The following CACNA2D3 variants were observed in gnomAD, a reference collection of about 807,000 sequenced individuals.
The protein encoded by CACNA2D3 is voltage-dependent calcium channel subunit alpha-2/delta-3.
CACNA2D3 carries 60 observed loss-of-function variants against 160.6 expected under a neutral mutation model. That is an observed-to-expected ratio of 0.37 (90% CI 0.30 to 0.46). The LOEUF (loss-of-function observed/expected upper bound fraction) is 0.46, where lower values mean the gene tolerates loss of function less well. Among genes scored for constraint, CACNA2D3 ranks in the 20% least tolerant of loss-of-function variants. The pLI is 1.00. For synonymous variants in CACNA2D3, 558 were observed against 492.9 expected (o/e 1.13, Z -1.75); for missense variants, 1,205 against 1,365.0 (o/e 0.88, Z 1.85).
chr3:54,601,538 C>T (rs77654593), intron 9 of CACNA2D3, among the ~76,000 whole-genome samples: 3,928 of 152,100 alleles, frequency 0.026, 105 homozygotes, highest in South Asian at 0.088. Flanking sequence ...TTCCTGGGCC[C>T]ACCCAAAGCC....
Position 54,320,682 on chromosome 3 carries a change from T to C in CACNA2D3, c.321+124T>C, listed in dbSNP as rs1159969155. ...TCACGCATCTATTACGTAAATACTT[T>C]TATTTTTACAGTCTGGTTAGCCAGG... On this transcript the variant is annotated intron_variant, in intron 3 of 37. Transcript: ENST00000474759. The C allele has an allele frequency of 1.1e-5, 6 of 534,352 alleles. No homozygotes were observed. In the Admixed American group the frequency reaches 1.9e-4, roughly 17 times the overall value. 33.1% of individuals were successfully genotyped at this position (534,352 alleles called of 1,614,324 possible).
intron 27 of CACNA2D3, among the ~76,000 whole-genome samples, chr3:54,928,735 G>A (rs1039695724): frequency 2.2e-5 from 3 of 137,264 alleles, no homozygotes; most frequent in Non-Finnish European, 4.7e-5. Flanking sequence ...GAGTTGAATT[G>A]ACCTTTTGGT....
intron 11 of CACNA2D3, among the ~76,000 whole-genome samples, chr3:54,688,823 A>G (rs892049717): frequency 2.0e-5 from 3 of 151,680 alleles, no homozygotes; most frequent in Non-Finnish European, 4.4e-5. Flanking sequence ...CAACATGGTG[A>G]AACCGCGTCT....
intron 12 of CACNA2D3, among the ~76,000 whole-genome samples, chr3:54,757,165 G>T (rs1701987819): frequency 1.3e-5 from 2 of 152,114 alleles, no homozygotes; most frequent in Non-Finnish European, 2.9e-5. Flanking sequence ...ATAAGCACTG[G>T]CTGATTCTCC....
At chr3:54,212,709 G>C (rs1014257427) in intron 2 of CACNA2D3, among the ~76,000 whole-genome samples, 1 of 152,112 alleles carries the variant, frequency 6.6e-6, no homozygotes, top group Non-Finnish European at 1.5e-5. Context: ...TGGCTGAGAG[G>C]GGAGGGATCC....
At chr3:55,045,761 T>A (rs1419259418) in intron 35 of CACNA2D3, among the ~76,000 whole-genome samples, 1 of 151,712 alleles carries the variant, frequency 6.6e-6, no homozygotes, top group Non-Finnish European at 1.5e-5. Flanking sequence ...TTACTAATAG[T>A]TTTAGTTTAT....
intron 27 of CACNA2D3, among the ~76,000 whole-genome samples, chr3:54,941,555 G>A (rs868634614): frequency 1.2e-4 from 18 of 152,214 alleles, no homozygotes; most frequent in South Asian, 4.1e-4. Flanking sequence ...AAATCTTAAC[G>A]ACATTTGGGT....
chr3:54,801,851 A>T (rs1189604708), intron 13 of CACNA2D3, among the ~76,000 whole-genome samples: 5 of 152,194 alleles, frequency 3.3e-5, no homozygotes, highest in Non-Finnish European at 5.9e-5. Context: ...GAGATTGAGA[A>T]ATCACTATTA....
intron 3 of CACNA2D3, among the ~76,000 whole-genome samples, chr3:54,350,978 T>TG (rs1698546094): frequency 2.2e-5 from 1 of 46,224 alleles, no homozygotes; most frequent in East Asian, 4.6e-4. Context: ...GTTTTTTTTT[T>TG]TTTGTTTGTT....
chr3:54,480,644 G>A (rs1174082002), intron 4 of CACNA2D3, among the ~76,000 whole-genome samples: 1 of 152,052 alleles, frequency 6.6e-6, no homozygotes, highest in African/African-American at 2.4e-5. Flanking sequence ...AATGATAGTG[G>A]CTGGCCAACT....
At chr3:54,333,780 A>T (rs995150783) in intron 3 of CACNA2D3, among the ~76,000 whole-genome samples, 1 of 152,210 alleles carries the variant, frequency 6.6e-6, no homozygotes, top group African/African-American at 2.4e-5. Flanking sequence ...CTGTTTAGGG[A>T]ATCTCCCCCA....
At chr3:54,406,097 G>C (rs967901083) in intron 4 of CACNA2D3, among the ~76,000 whole-genome samples, 3 of 152,054 alleles carry the variant, frequency 2.0e-5, no homozygotes, top group Non-Finnish European at 4.4e-5. Context: ...CTGTCAGTGG[G>C]AATATAGATT....
chr3:54,529,191 T>A (rs182608256), intron 5 of CACNA2D3, among the ~76,000 whole-genome samples: 6 of 152,382 alleles, frequency 3.9e-5, no homozygotes, highest in Admixed American at 2.0e-4. Flanking sequence ...TTCTCATTTA[T>A]AGATGTCCTT....
chr3:54,655,549 G>A (rs1699861871), intron 11 of CACNA2D3, among the ~76,000 whole-genome samples: 1 of 152,166 alleles, frequency 6.6e-6, no homozygotes. Context: ...GTGTGCTGTT[G>A]TGGTTGACTT....
chr3:54,469,909 C>G (rs1299109576), intron 4 of CACNA2D3, among the ~76,000 whole-genome samples: 3 of 152,056 alleles, frequency 2.0e-5, no homozygotes, highest in Non-Finnish European at 4.4e-5. Context: ...GGCAAAAAGC[C>G]TCCAAGAAAT....
intron 4 of CACNA2D3, among the ~76,000 whole-genome samples, chr3:54,430,734 C>G (rs1413437823): frequency 6.6e-6 from 1 of 152,158 alleles, no homozygotes; most frequent in Non-Finnish European, 1.5e-5. Context: ...TATGAAGATT[C>G]TGTCATTGGA....
At chr3:54,364,185 G>A (rs1310446974) in intron 3 of CACNA2D3, among the ~76,000 whole-genome samples, 2 of 152,178 alleles carry the variant, frequency 1.3e-5, no homozygotes, top group Non-Finnish European at 2.9e-5. Context: ...TCCATGTAGG[G>A]TGTGTTGATT....
intron 4 of CACNA2D3, among the ~76,000 whole-genome samples, chr3:54,490,102 T>A (rs1322492845): frequency 6.6e-6 from 1 of 152,154 alleles, no homozygotes; most frequent in Non-Finnish European, 1.5e-5. Flanking sequence ...TTTTTTAATC[T>A]AAGTTGTAAA....
intron 4 of CACNA2D3, among the ~76,000 whole-genome samples, chr3:54,461,076 A>T (rs568249642): frequency 6.6e-6 from 1 of 152,084 alleles, no homozygotes; most frequent in Non-Finnish European, 1.5e-5. Flanking sequence ...GCTGGATTAC[A>T]TTTATTGATT....
Sources: gnomAD v4.1 joint callset for allele counts (sites outside exome capture counted in the v4.1 genomes callset) on GRCh38, gnomAD v4.1.1 for gene constraint, MANE v1.5 for transcripts, NCBI Gene and HGNC (gene_info 2026-07-23, HGNC 2026-07-21) for gene names.